Variants in TRPC4 observed in about 807,000 individuals in gnomAD.
The protein encoded by TRPC4 is transient receptor potential cation channel subfamily C member 4, also known as short transient receptor potential channel 4.
A neutral mutation model predicts 99.4 loss-of-function variants in TRPC4; 49 were observed. That is an observed-to-expected ratio of 0.49 (90% confidence interval 0.39 to 0.63). The LOEUF (loss-of-function observed/expected upper bound fraction) is 0.63, where lower values mean the gene tolerates loss of function less well. Among genes scored for constraint, TRPC4 ranks in the 20% least tolerant of loss-of-function variants. TRPC4 has a pLI of 0.00. For missense variants in TRPC4, 898 were observed against 1,152.9 expected (o/e 0.78, Z 3.20); for synonymous variants, 454 against 425.9 (o/e 1.07, Z -0.81).
intron 1 of TRPC4, among the ~76,000 whole-genome samples, chr13:37,808,506 G>A (rs1957588480): frequency 6.6e-6 from 1 of 152,008 alleles, no homozygotes; most frequent in African/African-American, 2.4e-5. Flanking sequence ...ACACTTGATT[G>A]CTTCAACTAT....
chr13:37,683,889 C>T (rs1785315438), intron 4 of TRPC4, among the ~76,000 whole-genome samples: 1 of 152,110 alleles, frequency 6.6e-6, no homozygotes, highest in South Asian at 2.1e-4. Flanking sequence ...GAGTTTTAAA[C>T]TGAACATAGC....
chr13:37,640,274 C>T (rs563342271), intron 8 of TRPC4, among the ~76,000 whole-genome samples: 150 of 152,040 alleles, frequency 9.9e-4, no homozygotes, highest in African/African-American at 3.5e-3. Context: ...TGCTCTTGTT[C>T]CTTAATAAAT....
intron 8 of TRPC4, among the ~76,000 whole-genome samples, chr13:37,648,045 C>T (rs772494464): frequency 8.5e-5 from 13 of 152,098 alleles, no homozygotes; most frequent in Admixed American, 5.2e-4. Flanking sequence ...CGGGTTCAAG[C>T]GATTCTTCTT....
chr13:37,692,110 T>C lies in TRPC4; in HGVS notation c.1123A>G (p.Thr375Ala), dbSNP rs747279446. ...KFICHTASYL[T>A]FLFLLLLASQ... ...GCAAGCAGCAGCAGGAACAAAAAAG[T>C]CAAATAGGAGGCTGTGTGGCAGATA... The change falls in exon 4 of 11, where the codon ACT (threonine) becomes GCT (alanine). Residue 375 changes from threonine (T) to alanine (A), a missense_variant. Physicochemically the swap from Thr to Ala is moderately conservative, Grantham distance 58. Transcript: ENST00000379705. 1.2e-6 allele frequency: 2 copies of C among 1,614,064 alleles called. No individual in the cohort carries two copies. Among genetic ancestry groups the C allele is most frequent in the Admixed American group, 3.3e-5 (2 of 59,992 alleles).
chr13:37,671,157 C>A (rs1255322078), intron 5 of TRPC4, among the ~76,000 whole-genome samples: 3 of 152,142 alleles, frequency 2.0e-5, no homozygotes, highest in Non-Finnish European at 4.4e-5. Flanking sequence ...TGATTAGCTT[C>A]TTGATTCACA....
intron 1 of TRPC4, among the ~76,000 whole-genome samples, chr13:37,827,549 C>T (rs935714112): frequency 7.2e-5 from 11 of 152,092 alleles, no homozygotes; most frequent in South Asian, 2.1e-4. Flanking sequence ...TGTCAGTGTG[C>T]CCCTGCTGGG....
chr13:37,681,054 G>A (rs1953218492), intron 4 of TRPC4, among the ~76,000 whole-genome samples: 2 of 152,166 alleles, frequency 1.3e-5, no homozygotes, highest in Non-Finnish European at 2.9e-5. Context: ...TTACATAAAG[G>A]AAGAAAGGCT....
intron 3 of TRPC4, among the ~76,000 whole-genome samples, chr13:37,735,904 A>G (rs1039964704): frequency 1.3e-5 from 2 of 152,236 alleles, no homozygotes; most frequent in Admixed American, 6.5e-5. Context: ...TTTATGTTTT[A>G]TAAGACACAC....
intron 2 of TRPC4, among the ~76,000 whole-genome samples, chr13:37,752,298 C>T (rs1054419810): frequency 6.6e-6 from 1 of 151,610 alleles, no homozygotes; most frequent in Non-Finnish European, 1.5e-5. Flanking sequence ...CTTTTGGAAG[C>T]GTTAGAACAT....
At chr13:37,733,251 T>C (rs965671758) in intron 3 of TRPC4, among the ~76,000 whole-genome samples, 3 of 152,118 alleles carry the variant, frequency 2.0e-5, no homozygotes, top group African/African-American at 7.2e-5. Flanking sequence ...CCAGCTTGCA[T>C]GACAGAGTGA....
chr13:37,670,459 G>A (rs1260224585), intron 5 of TRPC4, among the ~76,000 whole-genome samples: 1 of 152,138 alleles, frequency 6.6e-6, no homozygotes, highest in Non-Finnish European at 1.5e-5. Flanking sequence ...TACAATCCTA[G>A]CAGAGGTCCT....
intron 1 of TRPC4, among the ~76,000 whole-genome samples, chr13:37,800,044 G>A (rs1957363795): frequency 6.6e-6 from 1 of 152,050 alleles, no homozygotes; most frequent in Non-Finnish European, 1.5e-5. Context: ...TTCAATCAAT[G>A]GTGATACTTT....
chr13:37,715,190 G>A (rs945714513), intron 3 of TRPC4, among the ~76,000 whole-genome samples: 4 of 152,096 alleles, frequency 2.6e-5, no homozygotes, highest in African/African-American at 9.7e-5. Flanking sequence ...TTGTATCTTA[G>A]GCTGGATATG....
intron 3 of TRPC4, among the ~76,000 whole-genome samples, chr13:37,731,450 A>G (rs1044062797): frequency 6.6e-6 from 1 of 152,082 alleles, no homozygotes; most frequent in Non-Finnish European, 1.5e-5. Flanking sequence ...CATATTGGCA[A>G]CAATAGTCAA....
intron 3 of TRPC4, among the ~76,000 whole-genome samples, chr13:37,697,642 G>C (rs1467809364): frequency 1.3e-5 from 2 of 152,136 alleles, no homozygotes; most frequent in Non-Finnish European, 2.9e-5. Flanking sequence ...ACATGCTTGA[G>C]TCTAAATTGT....
intron 8 of TRPC4, among the ~76,000 whole-genome samples, chr13:37,644,781 G>C (rs1951819112): frequency 6.7e-6 from 1 of 149,156 alleles, no homozygotes; most frequent in East Asian, 2.0e-4. Context: ...GCTAAGGTGG[G>C]AGAATGGCGT....
intron 3 of TRPC4, among the ~76,000 whole-genome samples, chr13:37,742,890 A>G (rs1401167909): frequency 2.0e-5 from 3 of 152,186 alleles, no homozygotes; most frequent in Admixed American, 6.5e-5. Flanking sequence ...TTTAAAAGGT[A>G]TATATGAAAG....
chr13:37,749,453 T>C (rs1955873144), intron 2 of TRPC4, among the ~76,000 whole-genome samples: 1 of 152,150 alleles, frequency 6.6e-6, no homozygotes, highest in Non-Finnish European at 1.5e-5. Flanking sequence ...CAGGAACTGA[T>C]TGTCTTAGCT....
intron 1 of TRPC4, among the ~76,000 whole-genome samples, chr13:37,795,003 T>C (rs1220157651): frequency 1.3e-5 from 2 of 152,184 alleles, no homozygotes; most frequent in African/African-American, 4.8e-5. Flanking sequence ...AGTCTAAACA[T>C]GTTTTATAAG....
Sources: allele counts gnomAD v4.1 joint callset (sites outside exome capture counted in the v4.1 genomes callset), GRCh38; gene constraint gnomAD v4.1.1; transcripts MANE v1.5; gene names NCBI Gene and HGNC (gene_info 2026-07-23, HGNC 2026-07-21).